TCF12: variants seen among roughly 807,000 people sequenced by gnomAD.
TCF12 encodes the protein transcription factor 12, also known as DNA-binding protein HTF4.
A neutral mutation model predicts 86.0 loss-of-function variants in TCF12; 45 were observed. That is an observed-to-expected ratio of 0.52 (90% confidence interval 0.41 to 0.67). The LOEUF (loss-of-function observed/expected upper bound fraction) is 0.67, where lower values mean the gene tolerates loss of function less well. Ranked by LOEUF, TCF12 falls within the 30% of genes least tolerant of loss-of-function variation. TCF12 has a pLI of 0.00. For missense variants in TCF12, 881 were observed against 859.9 expected (o/e 1.02, Z -0.31); for synonymous variants, 330 against 299.6 (o/e 1.10, Z -1.05).
At chr15:57,100,823 A>G (rs960609377) in intron 5 of TCF12, among the ~76,000 whole-genome samples, 1 of 152,292 alleles carries the variant, frequency 6.6e-6, no homozygotes, top group East Asian at 1.9e-4. Flanking sequence ...AGTTTTAATT[A>G]GCCATCAAAA....
chr15:57,004,421 T>G (rs1243138930), intron 3 of TCF12, among the ~76,000 whole-genome samples: 1 of 151,828 alleles, frequency 6.6e-6, no homozygotes, highest in Non-Finnish European at 1.5e-5. Flanking sequence ...TATTTTTTAT[T>G]TTTTTGAGGC....
chr15:56,998,322 T>TAC (rs1327240572), intron 3 of TCF12, among the ~76,000 whole-genome samples: 1 of 152,028 alleles, frequency 6.6e-6, no homozygotes, highest in East Asian at 1.9e-4. Flanking sequence ...TTGGGTGTGG[T>TAC]AGCACGTGGT....
intron 6 of TCF12, among the ~76,000 whole-genome samples, chr15:57,169,967 C>A (rs2055188976): frequency 6.6e-6 from 1 of 152,178 alleles, no homozygotes; most frequent in Non-Finnish European, 1.5e-5. Flanking sequence ...TATTTTAAAC[C>A]TAAATGTGTA....
intron 3 of TCF12, among the ~76,000 whole-genome samples, chr15:57,004,211 C>T (rs1282059172): frequency 2.0e-5 from 3 of 150,880 alleles, no homozygotes; most frequent in African/African-American, 7.3e-5. Context: ...AAACGTAGGT[C>T]TTAACATTTG....
At chr15:56,982,063 A>G (rs984392128) in intron 3 of TCF12, among the ~76,000 whole-genome samples, 8 of 152,206 alleles carry the variant, frequency 5.3e-5, no homozygotes, top group Non-Finnish European at 7.3e-5. Flanking sequence ...TCAAGGGTCA[A>G]CTGCAGCTTT....
intron 5 of TCF12, among the ~76,000 whole-genome samples, chr15:57,165,807 A>C (rs1249129241): frequency 6.6e-6 from 1 of 152,208 alleles, no homozygotes; most frequent in East Asian, 1.9e-4. Flanking sequence ...AAGTGCTGGG[A>C]TTACAGGCGT....
chr15:57,232,465 C>G (rs1009115786), intron 10 of TCF12, 35 bp downstream of exon 10: 6 of 1,554,224 alleles, frequency 3.9e-6, no homozygotes, highest in Non-Finnish European at 4.3e-6. Flanking sequence ...TACAGCAACA[C>G]TTTGTCCTCA....
chr15:57,037,189 C>T lies in TCF12; in HGVS notation c.149-26561C>T, dbSNP rs534943628. The stretch of plus-strand genomic sequence containing the variant: ...GGGGCTCGAGCACGGTGGCTCATAC[C>T]TGTAATCCCAGCACTTTGGGAGGCC... On this transcript the variant is annotated intron_variant, in intron 3 of 20. Coordinates refer to ENST00000333725, the MANE Select transcript of TCF12 (RefSeq NM_207037.2). Among the ~76,000 whole-genome samples, 56 of 152,238 alleles carry T rather than the reference C, an allele frequency of 3.7e-4. 1 individual carries two copies. In the East Asian group the frequency reaches 0.01, roughly 28 times the overall value.
At chr15:56,921,603 C>T (rs1392360378) in intron 3 of TCF12, among the ~76,000 whole-genome samples, 1 of 151,616 alleles carries the variant, frequency 6.6e-6, no homozygotes, top group African/African-American at 2.4e-5. Context: ...AGGTCCATTC[C>T]AGTGTGCAAA....
At chr15:57,188,570 C>T (rs561330432) in intron 6 of TCF12, among the ~76,000 whole-genome samples, 57 of 152,218 alleles carry the variant, frequency 3.7e-4, no homozygotes, top group African/African-American at 1.3e-3. Flanking sequence ...TCAAAACTTA[C>T]TACAAAGCTA....
chr15:57,278,868 TTC>T (rs1380593707), intron 19 of TCF12, among the ~76,000 whole-genome samples: 2 of 151,486 alleles, frequency 1.3e-5, no homozygotes, highest in Non-Finnish European at 2.9e-5. Flanking sequence ...TTGTTTTTCT[TTC>T]TTTCTTTTTG....
intron 3 of TCF12, among the ~76,000 whole-genome samples, chr15:57,053,474 G>A (rs2067776805): frequency 6.6e-6 from 1 of 152,076 alleles, no homozygotes; most frequent in African/African-American, 2.4e-5. Flanking sequence ...GATTAATGTA[G>A]TCCCACTTGT....
intron 6 of TCF12, among the ~76,000 whole-genome samples, chr15:57,175,366 AAG>A: frequency 6.6e-6 from 1 of 152,322 alleles, no homozygotes; most frequent in Non-Finnish European, 1.5e-5. Flanking sequence ...TCTTAAAAAA[AAG>A]AATTCCTACA....
At chr15:57,023,552 C>T (rs1233630714) in intron 3 of TCF12, among the ~76,000 whole-genome samples, 6 of 152,056 alleles carry the variant, frequency 3.9e-5, no homozygotes, top group African/African-American at 1.4e-4. Flanking sequence ...TATTGGTTCC[C>T]AAACCTCTTA....
rs575340823 is a variant in TCF12, at chr15:56,932,869, A to C, written c.148+11771A>C. On this transcript the variant is annotated intron_variant, in intron 3 of 20. Coordinates refer to ENST00000333725, the MANE Select transcript of TCF12 (RefSeq NM_207037.2). The stretch of plus-strand genomic sequence containing the variant: ...TGGCCGATTTATTTTTATTAAGGAG[A>C]AAACAGTATAATTAAAAGCCTCCAT... Among the ~76,000 whole-genome samples the C allele has an allele frequency of 1.1e-3, 172 of 152,286 alleles. 1 individual carries two copies. Among genetic ancestry groups the C allele is most frequent in the African/African-American group, 3.9e-3 (164 of 41,546 alleles).
chr15:57,153,037 C>T (rs989707655), intron 5 of TCF12, among the ~76,000 whole-genome samples: 18 of 152,112 alleles, frequency 1.2e-4, no homozygotes, highest in Admixed American at 2.0e-4. Context: ...ATAGTGATAT[C>T]TCTAATGTAT....
intron 18 of TCF12, among the ~76,000 whole-genome samples, chr15:57,270,469 C>G (rs551426187): frequency 6.6e-6 from 1 of 152,212 alleles, no homozygotes; most frequent in South Asian, 2.1e-4. Flanking sequence ...TAACCTTTTT[C>G]CAAGGTTTTT....
intron 5 of TCF12, among the ~76,000 whole-genome samples, chr15:57,151,005 GTC>G (rs1403385924): frequency 6.7e-6 from 1 of 148,320 alleles, no homozygotes; most frequent in African/African-American, 2.5e-5. Context: ...TTGGAGGCAG[GTC>G]TCTCTCTGTT....
intron 4 of TCF12, among the ~76,000 whole-genome samples, chr15:57,070,254 A>G (rs555634910): frequency 1.3e-5 from 2 of 152,216 alleles, no homozygotes; most frequent in South Asian, 2.1e-4. Flanking sequence ...AATACATGCT[A>G]TGATTTCTGA....
Sources: gnomAD v4.1 joint callset for allele counts (sites outside exome capture counted in the v4.1 genomes callset) on GRCh38, gnomAD v4.1.1 for gene constraint, MANE v1.5 for transcripts, NCBI Gene and HGNC (gene_info 2026-07-23, HGNC 2026-07-21) for gene names.